Variants in ASXL3 observed in about 807,000 individuals in gnomAD.
ASXL3 encodes putative Polycomb group protein ASXL3.
In ASXL3, 34 loss-of-function variants were observed where a neutral mutation model predicts 170.6. The ratio of observed to expected loss-of-function variants is 0.20; its 90% CI spans 0.15 to 0.27. ASXL3 has a LOEUF of 0.27. Among genes scored for constraint, ASXL3 ranks in the 10% least tolerant of loss-of-function variants. ASXL3 has a pLI of 1.00. For missense variants in ASXL3, 2,592 were observed against 2,695.3 expected (o/e 0.96, Z 0.85); for synonymous variants, 1,002 against 989.1 (o/e 1.01, Z -0.24).
chr18:33,738,263 A>C lies in ASXL3; in HGVS notation c.1083-224A>C, dbSNP rs182191895. 7.9e-5 allele frequency among the ~76,000 whole-genome samples: 12 copies of C among 152,350 alleles called. No individual in the cohort carries two copies. The East Asian group carries it at 2.1e-3, about 27-fold the overall frequency. On this transcript the variant is annotated intron_variant, in intron 10 of 11. Transcript: ENST00000269197. ...TCCTATCTCCTTGCTTTACAAAATA[A>C]AAATCTAGACTGTTCTTAACCAAAA...
chr18:33,675,309 CA>C (rs1337316708), intron 7 of ASXL3, among the ~76,000 whole-genome samples: 4 of 152,164 alleles, frequency 2.6e-5, no homozygotes, highest in Non-Finnish European at 4.4e-5. Flanking sequence ...GATCCCACCT[CA>C]TATCCTTTAG....
In ASXL3 at chr18:33,746,291, A is replaced by G. The variant is rs1027030759; in HGVS notation, c.6443A>G (p.Gln2148Arg). The change falls in exon 12 of 12, where the codon CAG becomes CGG. Residue 2148 changes from glutamine (Q) to arginine (R), a missense_variant. By Grantham distance (43) the Gln-to-Arg change is conservative (BLOSUM62 1). Around this residue, in one of 4 missense-constraint regions of ASXL3, gnomAD observed 2,246 missense variants for 2,219.6 expected, o/e 1.01. Transcript: ENST00000269197. ...AAQKMQVQQQQQLCGNYPTIH... is the reference protein window; with the variant it reads ...AAQKMQVQQQRQLCGNYPTIH... Reference sequence around the variant, plus strand: ...CAGAAAATGCAGGTGCAGCAACAACAGCAGCTCTGTGGAAATTATCCAACA... The same window carrying G: ...CAGAAAATGCAGGTGCAGCAACAACGGCAGCTCTGTGGAAATTATCCAACA... 10 of 1,613,938 alleles carry G rather than the reference A, an allele frequency of 6.2e-6. No homozygotes were observed. Among genetic ancestry groups the G allele is most frequent in the Non-Finnish European group, 8.5e-6 (10 of 1,179,908 alleles).
chr18:33,676,141 G>A (rs954732841), intron 7 of ASXL3, among the ~76,000 whole-genome samples: 1 of 147,818 alleles, frequency 6.8e-6, no homozygotes, highest in Non-Finnish European at 1.5e-5. Flanking sequence ...GGAGAATGGC[G>A]TGAACCCGGG....
intron 1 of ASXL3, among the ~76,000 whole-genome samples, chr18:33,598,003 C>CGT (rs745557898): frequency 6.6e-6 from 1 of 152,100 alleles, no homozygotes; most frequent in Non-Finnish European, 1.5e-5. Context: ...AGGGTCTTGA[C>CGT]TGATTGCTGC....
intron 2 of ASXL3, among the ~76,000 whole-genome samples, chr18:33,608,644 CAT>C (rs1292899199): frequency 2.0e-5 from 3 of 151,940 alleles, no homozygotes; most frequent in Non-Finnish European, 4.4e-5. Flanking sequence ...AGCCATGTTA[CAT>C]AGAATAGATT....
At chr18:33,688,321 G>A (rs1295257350) in intron 8 of ASXL3, among the ~76,000 whole-genome samples, 1 of 152,180 alleles carries the variant, frequency 6.6e-6, no homozygotes, top group Non-Finnish European at 1.5e-5. Context: ...ACACAGGTTG[G>A]AGTAGATGCT....
At chr18:33,579,776 G>C (rs1208455209) in intron 1 of ASXL3, among the ~76,000 whole-genome samples, 1 of 151,996 alleles carries the variant, frequency 6.6e-6, no homozygotes, top group African/African-American at 2.4e-5. Flanking sequence ...CTTACTATCT[G>C]TTATAAATTG....
rs1463307279 is a variant in ASXL3 at position 33,738,853 on chromosome 18, A to C, written c.1449A>C (p.Leu483=). The change falls in exon 11 of 12, where the codon CTA becomes CTC. Residue 483 remains leucine (L), a synonymous_variant. Transcript: ENST00000269197. The part of the protein sequence containing the change: ...IPEFSEEAES[L]TNSHEEPQIA... ...AATTTTCTGAGGAGGCTGAAAGTCTAACCAATTCTCATGAAGAACCCCAAA... is the reference window on the plus strand; with the variant it reads ...AATTTTCTGAGGAGGCTGAAAGTCTCACCAATTCTCATGAAGAACCCCAAA... 2 of 1,613,564 alleles carry C rather than the reference A, an allele frequency of 1.2e-6. No individual in the cohort carries two copies. Among genetic ancestry groups the C allele is most frequent in the African/African-American group, 2.7e-5 (2 of 74,936 alleles).
chr18:33,617,028 C>T (rs745586238), intron 2 of ASXL3, among the ~76,000 whole-genome samples: 20 of 152,124 alleles, frequency 1.3e-4, no homozygotes, highest in African/African-American at 1.9e-4. Flanking sequence ...TTATAGAATT[C>T]ATAGTATAAC....
chr18:33,643,789 C>G (rs1169703994), intron 2 of ASXL3, among the ~76,000 whole-genome samples: 1 of 151,628 alleles, frequency 6.6e-6, no homozygotes, highest in South Asian at 2.1e-4. Context: ...TCTGAACTTA[C>G]GAATTCAAAG....
At chr18:33,649,435 T>C (rs1008148636) in intron 4 of ASXL3, 2 of 152,036 alleles carry the variant, frequency 1.3e-5, no homozygotes, top group Non-Finnish European at 2.9e-5. Context: ...AGGGTGAGAA[T>C]AGGGGAGGTA....
chr18:33,696,146 TAGAG>T (rs919910386), intron 8 of ASXL3, among the ~76,000 whole-genome samples: 5 of 152,070 alleles, frequency 3.3e-5, no homozygotes, highest in Admixed American at 1.3e-4. Flanking sequence ...GGGTCAAAGT[TAGAG>T]AGAAGAAAAC....
At chr18:33,624,297 A>AT (rs549737777) in intron 2 of ASXL3, among the ~76,000 whole-genome samples, 182 of 146,288 alleles carry the variant, frequency 1.2e-3, no homozygotes, top group Middle Eastern at 3.5e-3. Context: ...GTAACTCAGC[A>AT]TTTTTTTTTT....
At chr18:33,612,004 C>T (rs750011912) in intron 2 of ASXL3, among the ~76,000 whole-genome samples, 2 of 151,920 alleles carry the variant, frequency 1.3e-5, no homozygotes, top group South Asian at 4.1e-4. Flanking sequence ...GTAAGGCTTG[C>T]ATGACTTACA....
intron 8 of ASXL3, among the ~76,000 whole-genome samples, chr18:33,694,076 G>T (rs1366906302): frequency 3.9e-5 from 6 of 152,136 alleles, no homozygotes; most frequent in Non-Finnish European, 7.4e-5. Flanking sequence ...CAGCATTTTG[G>T]CTCAGAGATG....
At chr18:33,643,128 C>T (rs2065869820) in intron 2 of ASXL3, among the ~76,000 whole-genome samples, 1 of 151,782 alleles carries the variant, frequency 6.6e-6, no homozygotes, top group African/African-American at 2.4e-5. Flanking sequence ...GACAGTTCTA[C>T]TAAATTAAAA....
intron 1 of ASXL3, among the ~76,000 whole-genome samples, chr18:33,605,964 T>A (rs933522893): frequency 6.6e-6 from 1 of 151,950 alleles, no homozygotes; most frequent in Non-Finnish European, 1.5e-5. Flanking sequence ...CTATATATAG[T>A]CCATGTGAAC....
At position 33,697,357 on chromosome 18, in the gene ASXL3, G is replaced by A. The variant is rs374140815; in HGVS notation, c.879+13789G>A. Among the ~76,000 whole-genome samples the A allele has an allele frequency of 1.6e-4, 25 of 152,176 alleles. No homozygotes were observed. The South Asian group carries it at 3.7e-3, about 23-fold the overall frequency. On this transcript the variant is annotated intron_variant, in intron 8 of 11. Coordinates refer to ENST00000269197, the MANE Select transcript of ASXL3 (RefSeq NM_030632.3). ...GAGTCCTGCCTTCATTGAGCTTATA[G>A]TCTAGCAAGAGAAACAACATTAGAA...
At chr18:33,639,341 GCTGA>G (rs2065813945) in intron 2 of ASXL3, among the ~76,000 whole-genome samples, 1 of 152,072 alleles carries the variant, frequency 6.6e-6, no homozygotes, top group Non-Finnish European at 1.5e-5. Context: ...TTGAACTCAG[GCTGA>G]CTGGCTCCAG....
Sources: allele counts gnomAD v4.1 joint callset (sites outside exome capture counted in the v4.1 genomes callset), GRCh38; gene constraint gnomAD v4.1.1; regional missense constraint gnomAD v4.1.1; transcripts MANE v1.5; gene names NCBI Gene and HGNC (gene_info 2026-07-23, HGNC 2026-07-21).